Variants in TBX22 observed in about 807,000 individuals in gnomAD.
TBX22 encodes T-box transcription factor TBX22.
Under a neutral mutation model 30.1 loss-of-function variants are expected in TBX22, and 8 were observed. The observed-to-expected ratio is 0.27, with a 90% CI of 0.16 to 0.48. The LOEUF (loss-of-function observed/expected upper bound fraction) is 0.48. Among genes scored for constraint, TBX22 ranks in the 20% least tolerant of loss-of-function variants. The probability of loss-of-function intolerance (pLI) is 0.99; values close to 1 mark genes in which losing one functional copy is unlikely to be tolerated. For missense variants in TBX22, 463 were observed against 400.5 expected (o/e 1.16, Z -1.33); for synonymous variants, 173 against 149.1 (o/e 1.16, Z -1.17).
rs1206744172 is a variant in TBX22, at chrX:80,027,275, A to G, written c.818A>G (p.Glu273Gly). ...QNQQITKLKI[E>G]RNPFAKGFRD... ...CCATAGATTACGAAACTAAAAATAG[A>G]AAGAAATCCTTTTGCTAAAGGATTT... Residue 273 changes from glutamate to glycine, a missense_variant, in exon 7 of 9, where the codon GAA (glutamate) becomes GGA (glycine). Glu to Gly is a moderately conservative substitution (Grantham distance 98, BLOSUM62 -2). Coordinates refer to ENST00000373296, the MANE Select transcript of TBX22 (RefSeq NM_001109878.2). 8 of 1,106,317 alleles carry G rather than the reference A, an allele frequency of 7.2e-6. No individual in the cohort carries two copies. The highest frequency in any genetic ancestry group is 8.7e-6 in the Non-Finnish European group (7 of 801,286). 91.2% of individuals were successfully genotyped at this position (1,106,317 alleles called of 1,213,427 possible). A position where few individuals can be genotyped will look rare whatever the true frequency, so the allele number is the denominator to read the frequency against.
rs781690864 is a variant in TBX22, at chrX:80,023,022, G to A, written c.176-38G>A. The A allele has an allele frequency of 1.8e-5, 21 of 1,192,321 alleles. No individual in the cohort carries two copies. The African/African-American group carries it at 2.7e-4, about 15-fold the overall frequency. On this transcript the variant is annotated intron_variant, in intron 2 of 8. Coordinates refer to ENST00000373296, the MANE Select transcript of TBX22 (RefSeq NM_001109878.2). ...GAGAAGTGGGCATGTGAACTGTGACGCTCTCTCAAACCCTGAGCGCCTTTC... is the reference window on the plus strand; with the variant it reads ...GAGAAGTGGGCATGTGAACTGTGACACTCTCTCAAACCCTGAGCGCCTTTC...
intron 4 of TBX22, among the ~76,000 whole-genome samples, chrX:80,024,699 T>G (rs937009445): frequency 1.8e-5 from 2 of 112,065 alleles, no homozygotes; most frequent in Non-Finnish European, 3.8e-5. Flanking sequence ...ACCTTTCCCC[T>G]GAAGTAATGT....
chrX:80,019,233 G>A (rs1923575776), intron 1 of TBX22, among the ~76,000 whole-genome samples: 1 of 110,149 alleles, frequency 9.1e-6, no homozygotes, highest in Admixed American at 9.7e-5. Context: ...TGGGGAAGCT[G>A]ATTACATTTC....
At position 80,026,766 on chromosome X, in the gene TBX22, T is replaced by C. The variant is rs1242940801; in HGVS notation, c.696T>C (p.Ser232=). The C allele has an allele frequency of 1.7e-6, 2 of 1,211,139 alleles. No homozygotes were observed. Among genetic ancestry groups the C allele is most frequent in the African/African-American group, 1.7e-5 (1 of 57,819 alleles). The change falls in exon 6 of 9, where the codon AGT becomes AGC. Residue 232 remains serine (S), a synonymous_variant. Transcript: ENST00000373296. ...TGCACGTGATAGAGCAAGGCAGCAG[T>C]GTTGACCTGTCCCAGATTCAGTCCT... ...PRVHVIEQGS[S]VDLSQIQSLP...
At chrX:80,021,310 C>T (rs1227240705) in intron 1 of TBX22, among the ~76,000 whole-genome samples, 1 of 111,720 alleles carries the variant, frequency 9.0e-6, no homozygotes, top group East Asian at 2.8e-4. Flanking sequence ...CCAGCAGAGG[C>T]AGGGCTTGAA....
chrX:80,018,656 T>C (rs761588620), intron 1 of TBX22, among the ~76,000 whole-genome samples: 47 of 112,229 alleles, frequency 4.2e-4, no homozygotes, highest in Non-Finnish European at 7.9e-4. Context: ...CATCTGTGAG[T>C]GCTTACTATG....
rs1555991386 is a variant in TBX22 at position 80,020,289 on chromosome X, T to TAGATAGATAGATAGA, written c.-2-1979_-2-1978insAGATAGATAGATAGA. On this transcript the variant is annotated intron_variant, in intron 1 of 8. Coordinates refer to ENST00000373296, the MANE Select transcript of TBX22 (RefSeq NM_001109878.2). Reference sequence around the variant, plus strand: ...TAAAATATAGATAGATAGAGATAGATTAGATAGATAGATAGATAGATAGAT... The same window carrying TAGATAGATAGATAGA: ...TAAAATATAGATAGATAGAGATAGATAGATAGATAGATAGATAGATAGATAGATAGATAGATAGAT... Among the ~76,000 whole-genome samples the TAGATAGATAGATAGA allele has an allele frequency of 3.1e-3, 325 of 104,658 alleles. 3 individuals carry two copies. The highest frequency in any genetic ancestry group is 8.2e-3 in the Admixed American group (79 of 9,580). 90.9% of individuals were successfully genotyped at this position (104,658 alleles called of 115,157 possible). A position where few individuals can be genotyped will look rare whatever the true frequency, so the allele number is the denominator to read the frequency against.
intron 1 of TBX22, among the ~76,000 whole-genome samples, chrX:80,015,555 A>G (rs1298179678): frequency 8.9e-6 from 1 of 112,501 alleles, no homozygotes; most frequent in Non-Finnish European, 1.9e-5. Context: ...AAGTGTGCCA[A>G]AAAAGATTGT....
chrX:80,029,644 C>T (rs923279192), intron 8 of TBX22, among the ~76,000 whole-genome samples: 2 of 111,412 alleles, frequency 1.8e-5, no homozygotes, highest in African/African-American at 6.5e-5. Flanking sequence ...ATCAGTGTAC[C>T]TTTGGTCAGA....
chrX:80,026,758 G>T lies in TBX22; in HGVS notation c.688G>T (p.Gly230Cys). The T allele has an allele frequency of 9.9e-6, 12 of 1,211,270 alleles. No individual in the cohort carries two copies. Among genetic ancestry groups the T allele is most frequent in the Non-Finnish European group, 1.3e-5 (12 of 894,967 alleles). ...YKPRVHVIEQGSSVDLSQIQS... is the reference protein window; with the variant it reads ...YKPRVHVIEQCSSVDLSQIQS... ...ACCCCGAGTGCACGTGATAGAGCAAGGCAGCAGTGTTGACCTGTCCCAGAT... is the reference window on the plus strand; with the variant it reads ...ACCCCGAGTGCACGTGATAGAGCAATGCAGCAGTGTTGACCTGTCCCAGAT... Residue 230 changes from glycine (G) to cysteine (C), a missense_variant, in exon 6 of 9, where the codon GGC becomes TGC. Gly to Cys is a radical substitution (Grantham distance 159, BLOSUM62 -3). Transcript: ENST00000373296.
chrX:80,022,682 C>G lies in TBX22; in HGVS notation c.175+238C>G, dbSNP rs750300021. ...AGTGAGTCTCTCCTACATCCTCCTC[C>G]TACCTTCGCGGAAAGCTCTCACCGC... On this transcript the variant is annotated intron_variant, in intron 2 of 8. Transcript: ENST00000373296. 27 of 437,842 alleles carry G rather than the reference C, an allele frequency of 6.2e-5. No individual in the cohort carries two copies. The African/African-American group carries it at 6.5e-4, about 11-fold the overall frequency. 36.1% of individuals were successfully genotyped at this position (437,842 alleles called of 1,213,427 possible).
chrX:80,030,944 TG>T lies in TBX22; in HGVS notation c.1397del (p.Cys466SerfsTer20), dbSNP rs769344946. ...PNSITPEALS[C>X]SFHPSYDFYR... is the part of the protein sequence containing the mutation. ...CTCCATCACCCCAGAAGCACTTAGT[TG>T]CTCCTTTCATCCTTCCTATGACTTT... is the stretch of plus-strand genomic sequence containing the variant. On this transcript the variant is annotated frameshift_variant, in exon 9 of 9. Coordinates refer to ENST00000373296, the MANE Select transcript of TBX22 (RefSeq NM_001109878.2). LOFTEE classifies it high-confidence loss of function. 5 of 1,211,956 alleles carry T rather than the reference TG, an allele frequency of 4.1e-6. No individual in the cohort carries two copies. In the Admixed American group the frequency reaches 1.1e-4, roughly 26 times the overall value.
At chrX:80,018,788 T>C (rs1253039193) in intron 1 of TBX22, among the ~76,000 whole-genome samples, 2 of 111,912 alleles carry the variant, frequency 1.8e-5, no homozygotes, top group Non-Finnish European at 3.8e-5. Context: ...TAGCTTTAAA[T>C]GGTTAAAACA....
chrX:80,028,309 A>C (rs991491682), intron 8 of TBX22, among the ~76,000 whole-genome samples: 4 of 112,150 alleles, frequency 3.6e-5, no homozygotes, highest in African/African-American at 1.3e-4. Context: ...GACATATGTT[A>C]ATAAGTTATC....
At chrX:80,022,518 C>A in intron 2 of TBX22, 74 bp downstream of exon 2, 2 of 1,059,661 alleles carry the variant, frequency 1.9e-6, no homozygotes, top group Non-Finnish European at 2.6e-6. Context: ...GCTCGCGTCC[C>A]GACGCAGCCA....
At chrX:80,023,461 G>T (rs1222724485) in intron 3 of TBX22, among the ~76,000 whole-genome samples, 3 of 110,900 alleles carry the variant, frequency 2.7e-5, no homozygotes. Flanking sequence ...TGTACACTGT[G>T]ACTCCAATAA....
At chrX:80,029,586 T>G (rs1025789619) in intron 8 of TBX22, among the ~76,000 whole-genome samples, 2 of 112,298 alleles carry the variant, frequency 1.8e-5, no homozygotes, top group South Asian at 7.3e-4. Context: ...ACAAGACTAT[T>G]TTCATGTTCA....
chrX:80,030,375 CTG>C, intron 8 of TBX22, 121 bp from the exon 9 acceptor site: 1 of 907,484 alleles, frequency 1.1e-6, no homozygotes, highest in East Asian at 3.1e-5. Flanking sequence ...GCTAAAAGAA[CTG>C]TGAACTCACA....
At chrX:80,018,678 G>A (rs188562915) in intron 1 of TBX22, among the ~76,000 whole-genome samples, 55 of 112,112 alleles carry the variant, frequency 4.9e-4, no homozygotes, top group Middle Eastern at 4.6e-3. Context: ...TCCAGGCTTT[G>A]TCCTAAGTGG....
Sources: gnomAD v4.1 joint callset for allele counts (sites outside exome capture counted in the v4.1 genomes callset) on GRCh38, gnomAD v4.1.1 for gene constraint, MANE v1.5 for transcripts, NCBI Gene and HGNC (gene_info 2026-07-23, HGNC 2026-07-21) for gene names.